Variants in PLD5 observed in about 807,000 individuals in gnomAD.
The protein encoded by PLD5 is inactive phospholipase D5.
PLD5 carries 36 observed loss-of-function variants against 61.1 expected under a neutral mutation model. The observed-to-expected ratio is 0.59, with a 90% CI of 0.45 to 0.78. The LOEUF (loss-of-function observed/expected upper bound fraction) is 0.78. Ranked by LOEUF, PLD5 falls within the 30% of genes least tolerant of loss-of-function variation. The pLI is 0.00. For synonymous variants in PLD5, 243 were observed against 242.8 expected (o/e 1.00, Z -0.01); for missense variants, 515 against 644.4 (o/e 0.80, Z 2.17).
intron 1 of PLD5, among the ~76,000 whole-genome samples, chr1:242,475,190 T>C (rs1438777787): frequency 2.0e-5 from 3 of 152,118 alleles, no homozygotes; most frequent in African/African-American, 7.2e-5. Flanking sequence ...CACACACACG[T>C]GCGCACGCAC....
At chr1:242,249,474 C>T (rs1452730406) in intron 4 of PLD5, among the ~76,000 whole-genome samples, 7 of 151,004 alleles carry the variant, frequency 4.6e-5, no homozygotes, top group African/African-American at 9.7e-5. Context: ...ACAAAATGGA[C>T]GAAAACACCT....
chr1:242,375,166 G>C (rs1661872510), intron 1 of PLD5, among the ~76,000 whole-genome samples: 1 of 152,150 alleles, frequency 6.6e-6, no homozygotes, highest in Admixed American at 6.6e-5. Context: ...CTCTCCCTCA[G>C]AGTCTGCAGG....
At chr1:242,304,642 A>AT (rs1179162831) in intron 2 of PLD5, among the ~76,000 whole-genome samples, 1 of 152,242 alleles carries the variant, frequency 6.6e-6, no homozygotes, top group Non-Finnish European at 1.5e-5. Context: ...TGTACACAGA[A>AT]TTTTAATTAA....
chr1:242,236,974 A>G (rs1671675977), intron 4 of PLD5, among the ~76,000 whole-genome samples: 1 of 152,240 alleles, frequency 6.6e-6, no homozygotes, highest in South Asian at 2.1e-4. Context: ...AATTAAAAAT[A>G]AAAAAGAATC....
At chr1:242,173,150 A>G (rs1666870148) in intron 5 of PLD5, among the ~76,000 whole-genome samples, 1 of 152,152 alleles carries the variant, frequency 6.6e-6, no homozygotes, top group Non-Finnish European at 1.5e-5. Context: ...TATATCTAGA[A>G]AACCCCATCG....
At chr1:242,195,149 A>C (rs1454708558) in intron 5 of PLD5, among the ~76,000 whole-genome samples, 3 of 152,254 alleles carry the variant, frequency 2.0e-5, no homozygotes, top group Non-Finnish European at 4.4e-5. Context: ...GACTTTTCTA[A>C]CAAAAAGAGA....
chr1:242,099,249 T>A (rs1030810635), intron 9 of PLD5, among the ~76,000 whole-genome samples: 2 of 152,028 alleles, frequency 1.3e-5, no homozygotes, highest in African/African-American at 2.4e-5. Context: ...TGGCCTCCCA[T>A]GTAGCTGGGA....
intron 5 of PLD5, among the ~76,000 whole-genome samples, chr1:242,135,529 A>AT (rs1336740989): frequency 2.0e-5 from 3 of 152,204 alleles, no homozygotes; most frequent in African/African-American, 7.2e-5. Flanking sequence ...AAACTTGCCC[A>AT]TCTACCTGTT....
chr1:242,494,605 C>T (rs922370137), intron 1 of PLD5, among the ~76,000 whole-genome samples: 4 of 152,238 alleles, frequency 2.6e-5, no homozygotes, highest in East Asian at 1.9e-4. Flanking sequence ...CTGGTGTTTG[C>T]GGTTGCTTGC....
In PLD5 at chr1:242,524,343, G is replaced by A. The variant is rs1473647854; in HGVS notation, c.-67C>T. On this transcript the variant is annotated 5_prime_UTR_variant, in exon 1 of 10. Transcript: ENST00000536534. Reference sequence around the variant, plus strand: ...GACGGGCGCGCGGGGAGCCGGGCGCGGAGGGCGAGCGGGAGGCCCAGCGGG... The same window carrying A: ...GACGGGCGCGCGGGGAGCCGGGCGCAGAGGGCGAGCGGGAGGCCCAGCGGG... 7.5e-7 allele frequency: 1 copy of A among 1,329,638 alleles called. No individual in the cohort carries two copies. The highest frequency in any genetic ancestry group is 1.6e-5 in the African/African-American group (1 of 64,398). 82.4% of individuals were successfully genotyped at this position (1,329,638 alleles called of 1,614,324 possible).
At position 242,124,960 on chromosome 1, in the gene PLD5, C is replaced by CT. The variant is rs949318262; in HGVS notation, c.736-296dup. 1.1e-4 allele frequency among the ~76,000 whole-genome samples: 16 copies of CT among 152,084 alleles called. 1 individual carries two copies. The highest frequency in any genetic ancestry group is 3.4e-4 in the African/African-American group (14 of 41,496). On this transcript the variant is annotated intron_variant, in intron 5 of 9. Transcript: ENST00000536534. ...GCTCTTCAGATTTGTTTCCTTAACA[C>CT]TTTTTTTGTATGACTCATTCAATCA...
At chr1:242,400,727 C>T (rs1042507652) in intron 1 of PLD5, among the ~76,000 whole-genome samples, 1 of 152,140 alleles carries the variant, frequency 6.6e-6, no homozygotes, top group Non-Finnish European at 1.5e-5. Context: ...CACCACCCGC[C>T]TGCTTTTCCA....
chr1:242,220,707 A>ATTTTATTT (rs1553328765), intron 4 of PLD5, among the ~76,000 whole-genome samples: 3 of 108,354 alleles, frequency 2.8e-5, no homozygotes, highest in Non-Finnish European at 6.0e-5. Flanking sequence ...TTTTTAATTT[A>ATTTTATTT]TATTTTATTT....
intron 1 of PLD5, among the ~76,000 whole-genome samples, chr1:242,517,596 T>C (rs1423803453): frequency 1.3e-5 from 2 of 152,238 alleles, no homozygotes; most frequent in African/African-American, 4.8e-5. Flanking sequence ...TTTTTAAGTA[T>C]ACTTTATCAT....
In PLD5 at chr1:242,518,089, G is replaced by A. The variant is rs143995423; in HGVS notation, c.189+5999C>T. Among the ~76,000 whole-genome samples the A allele has an allele frequency of 1.1e-4, 17 of 152,278 alleles. No individual in the cohort carries two copies. In the East Asian group the frequency reaches 3.1e-3, roughly 28 times the overall value. ...ATGACATCCAGTCCCATGATGCCCA[G>A]GCAGGTAGTTCAACTTGGGCCGACT... On this transcript the variant is annotated intron_variant, in intron 1 of 9. Coordinates refer to ENST00000536534, the MANE Select transcript of PLD5 (RefSeq NM_001372062.1).
In PLD5 at chr1:242,113,927, T is replaced by C; in HGVS notation, c.1033A>G (p.Met345Val). 1 of 1,613,786 alleles carries C rather than the reference T, an allele frequency of 6.2e-7. No individual in the cohort carries two copies. The highest frequency in any genetic ancestry group is 8.5e-7 in the Non-Finnish European group (1 of 1,179,852). ...GTGCTGGAGATAGGCAGGTAGTCCATGACAGCGATGTACACATACTGCTTG... is the reference window on the plus strand; with the variant it reads ...GTGCTGGAGATAGGCAGGTAGTCCACGACAGCGATGTACACATACTGCTTG... ...DAKQYVYIAV[M>V]DYLPISSTST... is the part of the protein sequence containing the mutation. Residue 345 changes from methionine to valine, a missense_variant, in exon 7 of 10, where the codon ATG becomes GTG. Met to Val is a conservative substitution (Grantham distance 21). Transcript: ENST00000536534.
chr1:242,485,528 A>G (rs1420982064), intron 1 of PLD5, among the ~76,000 whole-genome samples: 2 of 152,206 alleles, frequency 1.3e-5, no homozygotes, highest in African/African-American at 2.4e-5. Flanking sequence ...GACCTCTTCA[A>G]GGAGAACTAC....
intron 4 of PLD5, among the ~76,000 whole-genome samples, chr1:242,230,771 A>G (rs1274821771): frequency 6.6e-6 from 1 of 152,224 alleles, no homozygotes; most frequent in Non-Finnish European, 1.5e-5. Flanking sequence ...TATCTATTCA[A>G]ATACTGTGAA....
At chr1:242,166,581 T>C (rs1022464700) in intron 5 of PLD5, among the ~76,000 whole-genome samples, 9 of 152,244 alleles carry the variant, frequency 5.9e-5, no homozygotes, top group Non-Finnish European at 1.3e-4. Context: ...CCCAAGATTA[T>C]TAAAAGTGAA....
Sources: allele counts gnomAD v4.1 joint callset (sites outside exome capture counted in the v4.1 genomes callset), GRCh38; gene constraint gnomAD v4.1.1; transcripts MANE v1.5; gene names NCBI Gene and HGNC (gene_info 2026-07-23, HGNC 2026-07-21).